The following MOG variants were observed in gnomAD, a reference collection of about 807,000 sequenced individuals.
The protein encoded by MOG is myelin-oligodendrocyte glycoprotein.
Under a neutral mutation model 35.9 loss-of-function variants are expected in MOG, and 20 were observed. The observed-to-expected ratio is 0.56, with a 90% CI of 0.39 to 0.81. MOG has a LOEUF of 0.81. Among genes scored for constraint, MOG ranks in the 30% least tolerant of loss-of-function variants. MOG has a pLI of 0.00. For missense variants in MOG, 251 were observed against 301.0 expected, an observed-to-expected ratio of 0.83 and a Z score of 1.23; for synonymous variants, 92 against 114.3, an observed-to-expected ratio of 0.80 and a Z score of 1.25.
intron 2 of MOG, among the ~76,000 whole-genome samples, chr6:29,664,980 C>T (rs186243272): frequency 1.3e-5 from 2 of 152,034 alleles, no homozygotes; most frequent in African/African-American, 2.4e-5. Flanking sequence ...ATTAAATTAA[C>T]AAGAGTTAGG....
chr6:29,670,289 T>C lies in MOG; in HGVS notation c.601T>C (p.Phe201Leu). The C allele has an allele frequency of 6.2e-7, 1 of 1,614,192 alleles. No individual in the cohort carries two copies. Among genetic ancestry groups the C allele is most frequent in the Non-Finnish European group, 8.5e-7 (1 of 1,180,030 alleles). ...ENLHRTFDPH[F>L]LRVPCWKITL... ...TCTGGTGAACAATTCAGATCCCCAC[T>C]TTCTGAGGGTGCCCTGCTGGAAGAT... Residue 201 changes from phenylalanine (F) to leucine (L), a missense_variant, in exon 6 of 8, where the codon TTT (phenylalanine) becomes CTT (leucine). Transcript: ENST00000376917. This position sits in a 1 kb window ranked among gnomAD's most constrained non-coding sequence, Gnocchi z 4.2.
chr6:29,660,219 A>G, intron 2 of MOG, among the ~76,000 whole-genome samples: 1 of 151,978 alleles, frequency 6.6e-6, no homozygotes, highest in Non-Finnish European at 1.5e-5. Context: ...AAAAACAAAA[A>G]CAAAAACAAA....
rs1388344445 is a variant in MOG, at chr6:29,662,871, C to G, written c.436+3205C>G. Among the ~76,000 whole-genome samples the G allele has an allele frequency of 6.6e-6, 1 of 151,836 alleles. No individual in the cohort carries two copies. Among genetic ancestry groups the G allele is most frequent in the African/African-American group, 2.4e-5 (1 of 41,312 alleles). ...AGAGACTGGGTTTTACCATGTTGAT[C>G]AGGCTGGTCTCAAACTCCTAGGCTC... On this transcript the variant is annotated intron_variant, in intron 2 of 7. Transcript: ENST00000376917. This position sits in a 1 kb window ranked among gnomAD's most constrained non-coding sequence, Gnocchi z 4.2.
chr6:29,663,164 T>C (rs1442388641), intron 2 of MOG, among the ~76,000 whole-genome samples: 1 of 150,848 alleles, frequency 6.6e-6, no homozygotes, highest in Non-Finnish European at 1.5e-5. Context: ...TCCCAGCTAC[T>C]TGGGAGCTGA....
chr6:29,661,809 T>G lies in MOG; in HGVS notation c.436+2143T>G, dbSNP rs1251115073. On this transcript the variant is annotated intron_variant, in intron 2 of 7. Coordinates refer to ENST00000376917, the MANE Select transcript of MOG (RefSeq NM_206809.4). ...CCAGTCTGGGCAAGAAAAGTGGAAC[T>G]CCATCTCAAAAAAAAAAAAAAAAAA... is the stretch of plus-strand genomic sequence containing the variant. 3.3e-6 allele frequency: 3 copies of G among 898,358 alleles called. No individual in the cohort carries two copies. The African/African-American group carries it at 9.1e-5, about 27-fold the overall frequency. The allele number at this position is 898,358 out of a possible 1,614,324, so 55.6% of individuals were successfully genotyped here.
chr6:29,667,595 G>A lies in MOG; in HGVS notation c.551-48G>A, dbSNP rs1189948149. 2.5e-6 allele frequency: 4 copies of A among 1,612,038 alleles called. No individual in the cohort carries two copies. The South Asian group carries it at 4.4e-5, about 18-fold the overall frequency. Reference sequence around the variant, plus strand: ...CGCTGGGTGTGGGAGGGTCCCCACCGAGAGCCAGAACATGCAGGAACTAAA... The same window carrying A: ...CGCTGGGTGTGGGAGGGTCCCCACCAAGAGCCAGAACATGCAGGAACTAAA... On this transcript the variant is annotated intron_variant, in intron 3 of 7. Transcript: ENST00000376917.
chr6:29,658,835 C>T (rs956414197), intron 1 of MOG, among the ~76,000 whole-genome samples: 66 of 152,144 alleles, frequency 4.3e-4, no homozygotes, highest in African/African-American at 8.2e-4. Context: ...AACTTGAGGC[C>T]GGGTGTGGTG....
In MOG at chr6:29,670,228, G is replaced by A; in HGVS notation, c.593-53G>A. The A allele has an allele frequency of 6.2e-7, 1 of 1,614,196 alleles. No homozygotes were observed. Among genetic ancestry groups the A allele is most frequent in the Non-Finnish European group, 8.5e-7 (1 of 1,180,040 alleles). Reference sequence around the variant, plus strand: ...AAGGAACCAAAAAAGACAGGTGGGTGGGGCATGAGGGGGAACACATGTTAA... The same window carrying A: ...AAGGAACCAAAAAAGACAGGTGGGTAGGGCATGAGGGGGAACACATGTTAA... On this transcript the variant is annotated intron_variant, in intron 5 of 7. Transcript: ENST00000376917. This position sits in a 1 kb window ranked among gnomAD's most constrained non-coding sequence, Gnocchi z 4.2.
At chr6:29,658,631 G>A (rs1767713998) in intron 1 of MOG, among the ~76,000 whole-genome samples, 1 of 152,208 alleles carries the variant, frequency 6.6e-6, no homozygotes, top group South Asian at 2.1e-4. Flanking sequence ...GCCCATAGGA[G>A]GATTCAACCT....
chr6:29,670,654 G>A lies in MOG; in HGVS notation c.710-47G>A. ...TCCATAGGGAGGATGTGGGGAAGGT[G>A]CTATTCATCTTCCACTAATCACATA... On this transcript the variant is annotated intron_variant, in intron 6 of 7. Transcript: ENST00000376917. This position sits in a 1 kb window ranked among gnomAD's most constrained non-coding sequence, Gnocchi z 4.2. The A allele has an allele frequency of 1.9e-6, 3 of 1,607,658 alleles. No individual in the cohort carries two copies. The highest frequency in any genetic ancestry group is 2.2e-5 in the South Asian group (2 of 90,282).
intron 2 of MOG, chr6:29,664,732 A>C: frequency 2.4e-6 from 1 of 413,014 alleles, no homozygotes; most frequent in Non-Finnish European, 4.8e-6. Context: ...AGCCTCTTGA[A>C]TAGCTGAGAC....
Position 29,657,258 on chromosome 6 carries a change from C to G in MOG, c.49C>G (p.Leu17Val). The change falls in exon 1 of 8, where the codon CTC becomes GTC. Residue 17 changes from leucine to valine, a missense_variant. Physicochemically the swap from Leu to Val is conservative, Grantham distance 32 (BLOSUM62 1). Transcript: ENST00000376917. ...PSLPSCLCSF[L>V]LLLLLQVSSS... is the part of the protein sequence containing the mutation. ...TCTGCCCAGCTGCCTCTGCTCCTTC[C>G]TCCTCCTCCTCCTCCTCCAAGTGTC... is the stretch of plus-strand genomic sequence containing the variant. 1 of 1,180,488 alleles carries G rather than the reference C, an allele frequency of 8.5e-7. No homozygotes were observed. Among genetic ancestry groups the G allele is most frequent in the Non-Finnish European group, 1.1e-6 (1 of 890,570 alleles). 73.1% of individuals were successfully genotyped at this position (1,180,488 alleles called of 1,614,324 possible).
At chr6:29,659,752 C>G in intron 2 of MOG, 86 bp downstream of exon 2, 1 of 1,058,468 alleles carries the variant, frequency 9.4e-7, no homozygotes. Context: ...TCCCTCAACC[C>G]AAACATCTCA....
chr6:29,659,410 C>A lies in MOG; in HGVS notation c.180C>A (p.Asn60Lys). The change falls in exon 2 of 8, where the codon AAC (asparagine) becomes AAA (lysine). Residue 60 changes from asparagine to lysine, a missense_variant. Transcript: ENST00000376917. ...CATGTCGCATATCTCCTGGGAAGAA[C>A]GCTACAGGCATGGAGGTGGGGTGGT... Reference protein sequence around the residue: ...ELPCRISPGKNATGMEVGWYR... With the variant: ...ELPCRISPGKKATGMEVGWYR... The A allele has an allele frequency of 6.2e-7, 1 of 1,612,988 alleles. No individual in the cohort carries two copies. Among genetic ancestry groups the A allele is most frequent in the East Asian group, 2.2e-5 (1 of 44,880 alleles).
chr6:29,657,385 A>G, intron 1 of MOG, 88 bp downstream of exon 1: 4 of 983,160 alleles, frequency 4.1e-6, no homozygotes, highest in Non-Finnish European at 3.2e-6. Flanking sequence ...AACATCCTCA[A>G]GTTGCTATAT....
rs1219959528 is a variant in MOG at position 29,671,960 on chromosome 6, G to GAC, written c.*779_*780dup. The GAC allele has an allele frequency of 6.2e-6, 1 of 161,492 alleles. No individual in the cohort carries two copies. Among genetic ancestry groups the GAC allele is most frequent in the Admixed American group, 5.8e-5 (1 of 17,202 alleles). 10.0% of individuals were successfully genotyped at this position (161,492 alleles called of 1,614,324 possible). A position where few individuals can be genotyped will look rare whatever the true frequency, so the allele number is the denominator to read the frequency against. On this transcript the variant is annotated 3_prime_UTR_variant, in exon 8 of 8. Transcript: ENST00000376917. ...TTCAACAACTACTACTTGATGGTCA[G>GAC]ACACAAACAAACAAGCTAGGTGCTA...
At chr6:29,671,052 A>G in intron 7 of MOG, 120 bp from the exon 8 acceptor site, 2 of 1,612,258 alleles carry the variant, frequency 1.2e-6, no homozygotes. Flanking sequence ...CTCTCAGATC[A>G]ACCATTGAGG....
chr6:29,659,932 G>T lies in MOG; in HGVS notation c.436+266G>T, dbSNP rs559842143. 3.9e-4 allele frequency: 226 copies of T among 573,740 alleles called. 1 individual carries two copies. The highest frequency in any genetic ancestry group is 5.8e-4 in the Non-Finnish European group (187 of 322,912). The allele number at this position is 573,740 out of a possible 1,614,324, so 35.5% of individuals were successfully genotyped here. A position where few individuals can be genotyped will look rare whatever the true frequency, so the allele number is the denominator to read the frequency against. On this transcript the variant is annotated intron_variant, in intron 2 of 7. Transcript: ENST00000376917. The stretch of plus-strand genomic sequence containing the variant: ...ATGGTAGCCATACTGTGAATATTAT[G>T]CAGGCATTAAAAAGATTATTTTAGC...
intron 2 of MOG, among the ~76,000 whole-genome samples, chr6:29,664,403 C>A (rs1238265172): frequency 6.6e-6 from 1 of 151,924 alleles, no homozygotes; most frequent in Non-Finnish European, 1.5e-5. Context: ...GAGAGGGTTT[C>A]ACCATGTTGG....
Sources: allele counts gnomAD v4.1 joint callset (sites outside exome capture counted in the v4.1 genomes callset), GRCh38; gene constraint gnomAD v4.1.1; non-coding constraint Gnocchi (gnomAD v3.1); transcripts MANE v1.5; gene names NCBI Gene and HGNC (gene_info 2026-07-23, HGNC 2026-07-21).